The following EYS variants were observed in gnomAD, a reference collection of about 807,000 sequenced individuals.
The protein encoded by EYS is protein eyes shut homolog.
A neutral mutation model predicts 282.1 loss-of-function variants in EYS; 250 were observed. The observed-to-expected ratio is 0.89, with a 90% CI of 0.80 to 0.98. The LOEUF (loss-of-function observed/expected upper bound fraction) is 0.98. Among genes scored for constraint, EYS ranks in the 50% least tolerant of loss-of-function variants. The pLI, the probability that EYS is intolerant of heterozygous loss-of-function variation, is 0.00. For missense variants in EYS, 4,016 were observed against 3,709.0 expected (o/e 1.08, Z -2.15); for synonymous variants, 1,355 against 1,282.9 (o/e 1.06, Z -1.20).
At chr6:65,096,651 T>C (rs144986168) in intron 12 of EYS, among the ~76,000 whole-genome samples, 166 of 151,024 alleles carry the variant, frequency 1.1e-3, no homozygotes, top group African/African-American at 3.7e-3. Flanking sequence ...AAAATAGACA[T>C]ATAGAGTAAT....
chr6:65,044,146 T>C (rs963532331), intron 13 of EYS, among the ~76,000 whole-genome samples: 10 of 151,838 alleles, frequency 6.6e-5, no homozygotes, highest in African/African-American at 1.2e-4. Context: ...TTAGTGATAC[T>C]GAGCATTTTT....
At chr6:64,943,168 A>G (rs1175699883) in intron 15 of EYS, among the ~76,000 whole-genome samples, 1 of 152,076 alleles carries the variant, frequency 6.6e-6, no homozygotes, top group East Asian at 1.9e-4. Flanking sequence ...ATCATGCTAA[A>G]AATCCTAAAT....
intron 41 of EYS, among the ~76,000 whole-genome samples, chr6:63,748,231 A>G (rs76258456): frequency 0.026 from 3,930 of 152,256 alleles, 85 homozygotes; most frequent in South Asian, 0.088. Flanking sequence ...GACTACAGTA[A>G]CTGAGACAGC....
chr6:65,034,410 T>A (rs1367803063), intron 13 of EYS, among the ~76,000 whole-genome samples: 2 of 152,078 alleles, frequency 1.3e-5, no homozygotes, highest in Admixed American at 1.3e-4. Context: ...CCACTTGAAT[T>A]TCATGTTGAA....
Position 65,405,370 on chromosome 6 carries a change from T to TA in EYS, c.863-4dup, listed in dbSNP as rs199517256. On this transcript the variant is annotated splice_polypyrimidine_tract_variant and splice_region_variant and intron_variant, in intron 5 of 42. Transcript: ENST00000503581. ...TGCTGACACCTCACAGAATGGACCT[T>TA]AAAAAAATCACACACAAGAAAAAAA... is the stretch of plus-strand genomic sequence containing the variant. The TA allele has an allele frequency of 8.6e-4, 1,291 of 1,508,976 alleles. 9 individuals are homozygous for TA. The African/African-American group carries it at 0.015, about 18-fold the overall frequency. 93.5% of individuals were successfully genotyped at this position (1,508,976 alleles called of 1,614,324 possible).
chr6:63,732,613 A>G (rs999890461), intron 41 of EYS, among the ~76,000 whole-genome samples: 3 of 152,206 alleles, frequency 2.0e-5, no homozygotes, highest in Non-Finnish European at 4.4e-5. Context: ...ATCAACTCCT[A>G]AAAATGATCA....
At chr6:64,397,485 T>A (rs370058282) in intron 28 of EYS, among the ~76,000 whole-genome samples, 79 of 152,180 alleles carry the variant, frequency 5.2e-4, no homozygotes, top group East Asian at 4.4e-3. Flanking sequence ...TTAGTTGATA[T>A]AAATTATCTA....
chr6:64,823,563 T>C (rs771019930), intron 19 of EYS, among the ~76,000 whole-genome samples: 26 of 151,978 alleles, frequency 1.7e-4, no homozygotes, highest in Middle Eastern at 3.2e-3. Context: ...ATTACATCCA[T>C]TACTAGCAAG....
At chr6:65,054,673 C>T (rs1446001981) in intron 13 of EYS, among the ~76,000 whole-genome samples, 2 of 151,730 alleles carry the variant, frequency 1.3e-5, no homozygotes, top group Non-Finnish European at 1.5e-5. Flanking sequence ...GATGTGATTT[C>T]CAGAAAAATA....
intron 36 of EYS, among the ~76,000 whole-genome samples, chr6:63,836,645 A>C (rs971851581): frequency 6.6e-6 from 1 of 152,110 alleles, no homozygotes; most frequent in Non-Finnish European, 1.5e-5. Flanking sequence ...ACTAAGGAAC[A>C]TTTATAAAAG....
At chr6:64,098,656 G>A (rs377524391) in intron 31 of EYS, among the ~76,000 whole-genome samples, 10 of 150,124 alleles carry the variant, frequency 6.7e-5, no homozygotes, top group East Asian at 5.9e-4. Context: ...GCTGGAGTGC[G>A]GTGGTGCCAT....
intron 22 of EYS, chr6:64,728,842 G>T (rs1771859473): frequency 6.6e-6 from 1 of 152,348 alleles, no homozygotes; most frequent in African/African-American, 2.4e-5. Context: ...GAATTGGAGG[G>T]TGGTGAATGT....
intron 35 of EYS, among the ~76,000 whole-genome samples, chr6:63,940,124 T>G (rs184484319): frequency 6.6e-6 from 1 of 152,350 alleles, no homozygotes; most frequent in East Asian, 1.9e-4. Flanking sequence ...TCATCTTGTT[T>G]AGTGCATCTT....
At chr6:65,224,885 C>T (rs536646) in intron 12 of EYS, among the ~76,000 whole-genome samples, 44,470 of 151,878 alleles carry the variant, frequency 0.29, 7,327 homozygotes, top group African/African-American at 0.45. Context: ...AAAATCTGTC[C>T]GGACTTACCA....
intron 12 of EYS, among the ~76,000 whole-genome samples, chr6:65,110,710 T>C (rs1425992055): frequency 1.3e-5 from 2 of 152,106 alleles, no homozygotes; most frequent in Non-Finnish European, 2.9e-5. Context: ...ATAAATGTTT[T>C]TCTATGTGTT....
chr6:64,078,649 C>T (rs904018823), intron 32 of EYS, among the ~76,000 whole-genome samples: 7 of 151,904 alleles, frequency 4.6e-5, no homozygotes, highest in Admixed American at 2.6e-4. Flanking sequence ...TTGATGTGTC[C>T]GGTACTATAA....
intron 35 of EYS, among the ~76,000 whole-genome samples, chr6:63,877,911 G>A (rs1013830465): frequency 2.0e-5 from 3 of 152,122 alleles, no homozygotes; most frequent in East Asian, 3.9e-4. Context: ...CAATGGGTTC[G>A]AACATCCTCC....
At chr6:64,175,521 T>G (rs551439155) in intron 31 of EYS, among the ~76,000 whole-genome samples, 5 of 152,332 alleles carry the variant, frequency 3.3e-5, no homozygotes, top group African/African-American at 7.2e-5. Flanking sequence ...CTTCTCCAGA[T>G]AGTCTGATAA....
chr6:65,259,797 T>C (rs1370451087), intron 12 of EYS, among the ~76,000 whole-genome samples: 1 of 152,004 alleles, frequency 6.6e-6, no homozygotes, highest in Non-Finnish European at 1.5e-5. Flanking sequence ...TGCTTGAAAA[T>C]TCAACCAAAA....
Sources: gnomAD v4.1 joint callset for allele counts (sites outside exome capture counted in the v4.1 genomes callset) on GRCh38, gnomAD v4.1.1 for gene constraint, MANE v1.5 for transcripts, NCBI Gene and HGNC (gene_info 2026-07-23, HGNC 2026-07-21) for gene names.